Variants in IL21 observed in about 807,000 individuals in gnomAD.
IL21 encodes interleukin-21.
A neutral mutation model predicts 18.4 loss-of-function variants in IL21; 3 were observed. The observed-to-expected ratio is 0.16, with a 90% confidence interval of 0.07 to 0.42. The LOEUF (loss-of-function observed/expected upper bound fraction) is 0.42, where lower values mean the gene tolerates loss of function less well. Among genes scored for constraint, IL21 ranks in the 10% least tolerant of loss-of-function variants. The pLI, the probability that IL21 is intolerant of heterozygous loss-of-function variation, is 0.99. For synonymous variants in IL21, 37 were observed against 62.0 expected (o/e 0.60, Z 1.90); for missense variants, 130 against 188.4 (o/e 0.69, Z 1.81).
At position 122,612,544 on chromosome 4, in the gene IL21, CAGACTATTGT is replaced by C; in HGVS notation, c.*156_*165del. 2.2e-6 allele frequency: 1 copy of C among 453,792 alleles called. No individual in the cohort carries two copies. The highest frequency in any genetic ancestry group is 3.9e-6 in the Non-Finnish European group (1 of 258,548). The allele number at this position is 453,792 out of a possible 1,614,324, so 28.1% of individuals were successfully genotyped here. On this transcript the variant is annotated 3_prime_UTR_variant, in exon 5 of 5. Transcript: ENST00000648588. ...CATAGAAATCAATAACATAGGAAAT[CAGACTATTGT>C]ATAGTGATTATGGGGAAATAATCCT...
chr4:122,617,134 G>A lies in IL21; in HGVS notation c.205-1297C>T, dbSNP rs74541282. Among the ~76,000 whole-genome samples the A allele has an allele frequency of 3.4e-3, 520 of 152,280 alleles. 3 individuals carry two copies. The highest frequency in any genetic ancestry group is 4.4e-3 in the Non-Finnish European group (296 of 68,018). Reference sequence around the variant, plus strand: ...TGCTTTGCATATATAGCCACAAGCCGAGAAGCAGCTTATCTGGTTTCCTTA... The same window carrying A: ...TGCTTTGCATATATAGCCACAAGCCAAGAAGCAGCTTATCTGGTTTCCTTA... On this transcript the variant is annotated intron_variant, in intron 2 of 4. Coordinates refer to ENST00000648588, the MANE Select transcript of IL21 (RefSeq NM_021803.4).
chr4:122,617,463 G>T (rs1799351925), intron 2 of IL21, among the ~76,000 whole-genome samples: 1 of 152,138 alleles, frequency 6.6e-6, no homozygotes, highest in Non-Finnish European at 1.5e-5. Flanking sequence ...GGCTCATTTT[G>T]CTGAGTTAAC....
Position 122,611,369 on chromosome 4 carries a change from A to C in IL21, c.*1341T>G, listed in dbSNP as rs973743228. Among the ~76,000 whole-genome samples the C allele has an allele frequency of 1.3e-5, 2 of 152,164 alleles. No homozygotes were observed. Among genetic ancestry groups the C allele is most frequent in the Admixed American group, 1.3e-4 (2 of 15,280 alleles). On this transcript the variant is annotated 3_prime_UTR_variant, in exon 5 of 5. Coordinates refer to ENST00000648588, the MANE Select transcript of IL21 (RefSeq NM_021803.4). ...TTCTCAATATATCTTTTAGAACTGT[A>C]GGTTAAGTCTGTATTTGTTTTAAGC...
At chr4:122,613,282 G>GGTT (rs1799287306) in intron 3 of IL21, among the ~76,000 whole-genome samples, 1 of 148,248 alleles carries the variant, frequency 6.7e-6, no homozygotes, top group African/African-American at 2.5e-5. Context: ...GACATGTAGT[G>GGTT]GTTGTTCTGT....
At chr4:122,614,536 G>A (rs1012040193) in intron 3 of IL21, among the ~76,000 whole-genome samples, 5 of 151,802 alleles carry the variant, frequency 3.3e-5, no homozygotes, top group Admixed American at 2.0e-4. Flanking sequence ...GTGAAACCCC[G>A]GCACTACTAA....
intron 2 of IL21, among the ~76,000 whole-genome samples, chr4:122,617,118 T>C (rs992686421): frequency 6.6e-5 from 10 of 152,206 alleles, no homozygotes; most frequent in Non-Finnish European, 4.4e-5. Flanking sequence ...TTGCTTTGCA[T>C]ATATAGCCAC....
chr4:122,617,454 G>A (rs979743475), intron 2 of IL21, among the ~76,000 whole-genome samples: 2 of 152,150 alleles, frequency 1.3e-5, no homozygotes, highest in Non-Finnish European at 2.9e-5. Context: ...TCTCACAGAG[G>A]CTCATTTTGC....
chr4:122,620,536 A>T (rs1799411317), intron 2 of IL21, among the ~76,000 whole-genome samples, 165 bp downstream of exon 2: 2 of 152,182 alleles, frequency 1.3e-5, no homozygotes, highest in African/African-American at 2.4e-5. Flanking sequence ...GTTTTTGGTA[A>T]ATCAATGAAT....
intron 2 of IL21, chr4:122,619,873 T>C (rs2150689091): frequency 6.6e-6 from 1 of 152,360 alleles, no homozygotes; most frequent in Admixed American, 6.5e-5. Context: ...CTTTGTAGTG[T>C]CCTAATTACT....
chr4:122,616,226 A>G (rs562811699), intron 2 of IL21, among the ~76,000 whole-genome samples: 10 of 151,956 alleles, frequency 6.6e-5, no homozygotes, highest in Admixed American at 2.0e-4. Flanking sequence ...AAATTATGTT[A>G]TAGTCTGATG....
intron 3 of IL21, among the ~76,000 whole-genome samples, chr4:122,613,898 C>T (rs907715): frequency 0.35 from 52,619 of 151,950 alleles, 9,419 homozygotes; most frequent in East Asian, 0.45. Context: ...TGTTTTAACT[C>T]GCATTTATGT....
At position 122,612,118 on chromosome 4, in the gene IL21, A is replaced by G. The variant is rs1799270453; in HGVS notation, c.*592T>C. Among the ~76,000 whole-genome samples, 1 of 151,854 alleles carries G rather than the reference A, an allele frequency of 6.6e-6. No homozygotes were observed. The highest frequency in any genetic ancestry group is 6.6e-5 in the Admixed American group (1 of 15,196). Reference sequence around the variant, plus strand: ...ATATCTATAGTATTTAAATATTTTTATAAACCCCAATAAAGAAGTAAGGCT... The same window carrying G: ...ATATCTATAGTATTTAAATATTTTTGTAAACCCCAATAAAGAAGTAAGGCT... On this transcript the variant is annotated 3_prime_UTR_variant, in exon 5 of 5. Coordinates refer to ENST00000648588, the MANE Select transcript of IL21 (RefSeq NM_021803.4).
intron 3 of IL21, among the ~76,000 whole-genome samples, chr4:122,614,584 G>A (rs1351274102): frequency 6.6e-6 from 1 of 152,032 alleles, no homozygotes; most frequent in Admixed American, 6.6e-5. Flanking sequence ...GTGTGCGCCT[G>A]TAGTTCCAGC....
intron 2 of IL21, chr4:122,619,103 G>C (rs1578438633): frequency 6.6e-6 from 1 of 152,166 alleles, no homozygotes; most frequent in East Asian, 1.9e-4. Context: ...TGATTAGACG[G>C]AAAGAAAAAG....
intron 2 of IL21, among the ~76,000 whole-genome samples, chr4:122,617,579 G>A (rs554357344): frequency 6.6e-6 from 1 of 152,212 alleles, no homozygotes; most frequent in African/African-American, 2.4e-5. Context: ...GGTCAGTACC[G>A]GTACTCAAAG....
chr4:122,612,813 G>A, intron 4 of IL21, 38 bp downstream of exon 4: 1 of 1,612,518 alleles, frequency 6.2e-7, no homozygotes, highest in Non-Finnish European at 8.5e-7. Flanking sequence ...GATAGGTAAA[G>A]ATAAAGCAGA....
At chr4:122,614,264 T>C (rs1351958248) in intron 3 of IL21, among the ~76,000 whole-genome samples, 1 of 152,184 alleles carries the variant, frequency 6.6e-6, no homozygotes, top group Non-Finnish European at 1.5e-5. Context: ...TATGTTCAGC[T>C]CCTTTCTTTC....
At chr4:122,620,798 A>G (rs1352958319) in intron 1 of IL21, 46 bp downstream of exon 1, 1 of 1,611,596 alleles carries the variant, frequency 6.2e-7, no homozygotes, top group African/African-American at 1.3e-5. Context: ...TTTTATATTA[A>G]TTGAAAAGTA....
At position 122,610,860 on chromosome 4, in the gene IL21, T is replaced by G. The variant is rs1196201407; in HGVS notation, c.*1850A>C. ...TTCCAATGCATTGCCTTTCCTGGAG[T>G]GCTGGTGGGTTTAACTCTGGTTAAA... On this transcript the variant is annotated 3_prime_UTR_variant, in exon 5 of 5. Coordinates refer to ENST00000648588, the MANE Select transcript of IL21 (RefSeq NM_021803.4). 6.6e-6 allele frequency among the ~76,000 whole-genome samples: 1 copy of G among 152,114 alleles called. No individual in the cohort carries two copies. Among genetic ancestry groups the G allele is most frequent in the Non-Finnish European group, 1.5e-5 (1 of 67,992 alleles).
Sources: allele counts gnomAD v4.1 joint callset (sites outside exome capture counted in the v4.1 genomes callset), GRCh38; gene constraint gnomAD v4.1.1; transcripts MANE v1.5; gene names NCBI Gene and HGNC (gene_info 2026-07-23, HGNC 2026-07-21).